SMAD1: variants seen among roughly 807,000 people sequenced by gnomAD.
The protein encoded by SMAD1 is SMAD family member 1.
A neutral mutation model predicts 41.6 loss-of-function variants in SMAD1; 6 were observed. The ratio of observed to expected loss-of-function variants is 0.14; its 90% CI spans 0.08 to 0.28. The LOEUF (loss-of-function observed/expected upper bound fraction) is 0.28, where lower values mean the gene tolerates loss of function less well. Ranked by LOEUF, SMAD1 falls within the 10% of genes least tolerant of loss-of-function variation. The pLI is 1.00. For synonymous variants in SMAD1, 206 were observed against 203.2 expected (o/e 1.01, Z -0.12); for missense variants, 379 against 582.6 (o/e 0.65, Z 3.60).
intron 1 of SMAD1, among the ~76,000 whole-genome samples, chr4:145,505,417 T>G (rs1729712635): frequency 2.0e-5 from 3 of 152,126 alleles, no homozygotes; most frequent in African/African-American, 7.2e-5. Flanking sequence ...TCTAATGAGG[T>G]GTATTGTGAA....
At chr4:145,535,387 C>T (rs1240513421) in intron 2 of SMAD1, among the ~76,000 whole-genome samples, 1 of 152,172 alleles carries the variant, frequency 6.6e-6, no homozygotes, top group African/African-American at 2.4e-5. Flanking sequence ...TATGCACAGT[C>T]ATTGCAGTAT....
intron 2 of SMAD1, among the ~76,000 whole-genome samples, chr4:145,531,817 C>T (rs564134510): frequency 1.3e-4 from 19 of 151,734 alleles, no homozygotes; most frequent in East Asian, 9.7e-4. Context: ...AGCTTGTGTC[C>T]GTTACTTCTT....
rs368342411 is a variant in SMAD1, at chr4:145,546,522, G to A, written c.776-181G>A. On this transcript the variant is annotated intron_variant, in intron 4 of 6. Coordinates refer to ENST00000302085, the MANE Select transcript of SMAD1 (RefSeq NM_005900.3). Reference sequence around the variant, plus strand: ...CAATTTTCTCCAATTAGGAGAATAAGGAGAGTGTCATATTAAGAAGTACCT... The same window carrying A: ...CAATTTTCTCCAATTAGGAGAATAAAGAGAGTGTCATATTAAGAAGTACCT... 26 of 589,860 alleles carry A rather than the reference G, an allele frequency of 4.4e-5. No homozygotes were observed. In the African/African-American group the frequency reaches 4.5e-4, roughly 10 times the overall value. 36.5% of individuals were successfully genotyped at this position (589,860 alleles called of 1,614,324 possible). A position where few individuals can be genotyped will look rare whatever the true frequency, so the allele number is the denominator to read the frequency against.
chr4:145,549,725 G>C (rs1267559098), intron 5 of SMAD1, among the ~76,000 whole-genome samples: 2 of 152,124 alleles, frequency 1.3e-5, no homozygotes, highest in African/African-American at 2.4e-5. Context: ...AAGCACTCAA[G>C]ATAAAGTGTA....
At chr4:145,547,959 G>T (rs1336806562) in intron 5 of SMAD1, among the ~76,000 whole-genome samples, 2 of 152,142 alleles carry the variant, frequency 1.3e-5, no homozygotes, top group African/African-American at 4.8e-5. Flanking sequence ...CTAGTGTTCA[G>T]ATCATCATCG....
rs960797999 is a variant in SMAD1, at chr4:145,553,789, C to T, written c.1003C>T (p.His335Tyr). The T allele has an allele frequency of 1.9e-6, 3 of 1,613,528 alleles. No individual in the cohort carries two copies. The highest frequency in any genetic ancestry group is 2.5e-6 in the Non-Finnish European group (3 of 1,179,504). The change falls in exon 6 of 7, where the codon CAT (histidine) becomes TAT (tyrosine). Residue 335 changes from histidine to tyrosine, a missense_variant. Around this residue, in one of 3 missense-constraint regions of SMAD1, gnomAD observed 107 missense variants for 218.3 expected, o/e 0.49. Coordinates refer to ENST00000302085, the MANE Select transcript of SMAD1 (RefSeq NM_005900.3). ...NTRRHIGKGV[H>Y]LYYVGGEVYA... ...TATGCTTTGTCTTCCTATAGGAGTT[C>T]ATCTTTATTATGTTGGAGGGGAGGT...
chr4:145,485,993 G>T (rs1034847976), intron 1 of SMAD1, among the ~76,000 whole-genome samples: 2 of 152,130 alleles, frequency 1.3e-5, no homozygotes, highest in African/African-American at 4.8e-5. Flanking sequence ...TATGATCGAG[G>T]CAGTCCAACT....
At chr4:145,554,725 C>T (rs1343336208) in intron 6 of SMAD1, among the ~76,000 whole-genome samples, 2 of 152,040 alleles carry the variant, frequency 1.3e-5, no homozygotes, top group African/African-American at 4.8e-5. Flanking sequence ...TTTTAAGATG[C>T]CATTGAAATC....
chr4:145,490,505 A>C (rs954664545), intron 1 of SMAD1, among the ~76,000 whole-genome samples: 1 of 152,172 alleles, frequency 6.6e-6, no homozygotes, highest in African/African-American at 2.4e-5. Flanking sequence ...AGGCTGCTGT[A>C]TAGGAGACTA....
chr4:145,541,775 C>T (rs1156902828), intron 3 of SMAD1, among the ~76,000 whole-genome samples: 1 of 152,194 alleles, frequency 6.6e-6, no homozygotes, highest in African/African-American at 2.4e-5. Flanking sequence ...GTCTCCAAGG[C>T]TCTGACACAT....
At chr4:145,498,531 A>C (rs1729227482) in intron 1 of SMAD1, among the ~76,000 whole-genome samples, 1 of 152,154 alleles carries the variant, frequency 6.6e-6, no homozygotes, top group Non-Finnish European at 1.5e-5. Flanking sequence ...TTTAAATTTG[A>C]AAACAGCAAT....
chr4:145,516,978 C>T (rs1730440972), intron 2 of SMAD1: 1 of 152,178 alleles, frequency 6.6e-6, no homozygotes, highest in African/African-American at 2.4e-5. Context: ...ATGAATATGT[C>T]TTCTCCATCC....
intron 5 of SMAD1, 107 bp from the exon 6 acceptor site, chr4:145,553,677 C>G: frequency 1.9e-6 from 2 of 1,054,902 alleles, no homozygotes; most frequent in African/African-American, 3.2e-5. Flanking sequence ...GCTAACTAGC[C>G]AAAGTTTAAA....
chr4:145,516,551 A>G (rs1730401260), intron 2 of SMAD1, among the ~76,000 whole-genome samples: 2 of 152,126 alleles, frequency 1.3e-5, no homozygotes, highest in African/African-American at 4.8e-5. Context: ...ACATTTTGTT[A>G]CAGTTGCTCT....
At chr4:145,494,778 A>G (rs1271030269) in intron 1 of SMAD1, among the ~76,000 whole-genome samples, 1 of 152,198 alleles carries the variant, frequency 6.6e-6, no homozygotes, top group Non-Finnish European at 1.5e-5. Flanking sequence ...AGTTCATTGT[A>G]GTTATGAACC....
intron 1 of SMAD1, among the ~76,000 whole-genome samples, chr4:145,486,688 AT>A (rs1189400869): frequency 6.6e-6 from 1 of 152,192 alleles, no homozygotes; most frequent in East Asian, 1.9e-4. Context: ...AAACATTAAG[AT>A]TTGTAATTTC....
chr4:145,488,915 G>T (rs1728633400), intron 1 of SMAD1, among the ~76,000 whole-genome samples: 1 of 152,200 alleles, frequency 6.6e-6, no homozygotes, highest in Non-Finnish European at 1.5e-5. Context: ...CTCACATCAG[G>T]ACCACTGTGG....
chr4:145,491,879 T>C (rs1324010525), intron 1 of SMAD1, among the ~76,000 whole-genome samples: 2 of 152,216 alleles, frequency 1.3e-5, no homozygotes, highest in African/African-American at 4.8e-5. Flanking sequence ...TTAGATTTTA[T>C]AGTGGCATTT....
chr4:145,499,382 G>T (rs917817919), intron 1 of SMAD1, among the ~76,000 whole-genome samples: 2 of 152,176 alleles, frequency 1.3e-5, no homozygotes, highest in African/African-American at 4.8e-5. Flanking sequence ...CAACCCTTTG[G>T]GAGGCTGAAG....
Sources: gnomAD v4.1 joint callset for allele counts (sites outside exome capture counted in the v4.1 genomes callset) on GRCh38, gnomAD v4.1.1 for gene constraint, gnomAD v4.1.1 regional missense constraint, MANE v1.5 for transcripts, NCBI Gene and HGNC (gene_info 2026-07-23, HGNC 2026-07-21) for gene names.